The following INSL6 variants were observed in gnomAD, a reference collection of about 807,000 sequenced individuals.
INSL6 encodes insulin-like peptide INSL6.
INSL6 carries 16 observed loss-of-function variants against 9.4 expected under a neutral mutation model. That is an observed-to-expected ratio of 1.70 (90% CI 1.15 to 2.59). INSL6 has a LOEUF of 2.59. Ranked by LOEUF, INSL6 falls within the 30% of genes most tolerant of loss-of-function variation. The pLI is 0.00. For missense variants in INSL6, 391 were observed against 257.3 expected, an observed-to-expected ratio of 1.52 and a Z score of -3.56; for synonymous variants, 154 against 96.9, an observed-to-expected ratio of 1.59 and a Z score of -3.46.
the INSL6 span, among the ~76,000 whole-genome samples, chr9:4,993,328 C>T: frequency 2.1e-4 from 32 of 152,146 alleles, no homozygotes; most frequent in Non-Finnish European, 7.4e-5. Flanking sequence ...TGGATCTTTG[C>T]TCTGAGGCCC....
chr9:4,998,741 CAA>C, the INSL6 span, among the ~76,000 whole-genome samples: 6 of 143,766 alleles, frequency 4.2e-5, no homozygotes, highest in East Asian at 4.0e-4. Flanking sequence ...CCACAAAAAA[CAA>C]AAAAAAAAAC....
chr9:5,077,596 T>A, the INSL6 span: 2 of 1,444,574 alleles, frequency 1.4e-6, no homozygotes, highest in Admixed American at 2.7e-5. Context: ...TAGTACAACC[T>A]TTTTATCAAA....
chr9:5,120,493 C>G (rs970290158), downstream of INSL6, among the ~76,000 whole-genome samples: 1 of 152,108 alleles, frequency 6.6e-6, no homozygotes, highest in Non-Finnish European at 1.5e-5. Context: ...TTCGAAAAGG[C>G]TCTTTTGTTT....
chr9:5,069,391 G>A, the INSL6 span, among the ~76,000 whole-genome samples: 2 of 152,230 alleles, frequency 1.3e-5, no homozygotes, highest in East Asian at 3.9e-4. Context: ...TGGTGGTCTA[G>A]AAGTGACTTG....
chr9:5,007,984 C>T, the INSL6 span, among the ~76,000 whole-genome samples: 1 of 152,166 alleles, frequency 6.6e-6, no homozygotes, highest in Admixed American at 6.5e-5. Context: ...CCGCCTCGGC[C>T]TCCCAAAGTG....
At chr9:4,997,092 C>T in the INSL6 span, among the ~76,000 whole-genome samples, 1 of 151,732 alleles carries the variant, frequency 6.6e-6, no homozygotes, top group Non-Finnish European at 1.5e-5. Flanking sequence ...CTAGGCCTGG[C>T]TAATTTTTAT....
At chr9:5,111,414 A>G in the INSL6 span, 1 of 401,016 alleles carries the variant, frequency 2.5e-6, no homozygotes, top group Middle Eastern at 6.5e-4. Flanking sequence ...CTGGACACGC[A>G]GCCCACGAAG....
chr9:5,066,727 C>G, the INSL6 span: 2 of 1,608,426 alleles, frequency 1.2e-6, no homozygotes, highest in Non-Finnish European at 1.7e-6. Context: ...TCAGACTGGA[C>G]TGTATGTACT....
rs1440107798 is a variant in INSL6, at chr9:5,181,678, T to C, written c.289+3636A>G. Among the ~76,000 whole-genome samples, 5 of 152,192 alleles carry C rather than the reference T, an allele frequency of 3.3e-5. No homozygotes were observed. The South Asian group carries it at 8.3e-4, about 25-fold the overall frequency. On this transcript the variant is annotated intron_variant, in intron 1 of 1. Transcript: ENST00000381641. ...AGACAGATGTCAAAATGGGAGAACA[T>C]ATTTGTGACATCTAAAACCAACAAC...
chr9:5,131,568 G>C (rs1001509868), intron 3 of INSL6, among the ~76,000 whole-genome samples: 3 of 151,092 alleles, frequency 2.0e-5, no homozygotes, highest in Non-Finnish European at 4.4e-5. Flanking sequence ...CTCCCGAGTA[G>C]CTGGGATTAC....
the INSL6 span, among the ~76,000 whole-genome samples, chr9:5,025,671 T>C: frequency 6.6e-6 from 1 of 152,038 alleles, no homozygotes; most frequent in African/African-American, 2.4e-5. Flanking sequence ...CTAGCTGGAC[T>C]ACAGGCACCC....
the INSL6 span, among the ~76,000 whole-genome samples, chr9:5,013,341 C>T: frequency 6.6e-6 from 1 of 152,186 alleles, no homozygotes; most frequent in Admixed American, 6.5e-5. Context: ...AGTATATCTA[C>T]TTGGACTATA....
the INSL6 span, chr9:5,054,688 C>T: frequency 2.5e-6 from 4 of 1,613,304 alleles, no homozygotes; most frequent in South Asian, 4.4e-5. This position sits in a 1 kb window ranked among gnomAD's most constrained non-coding sequence, Gnocchi z 4.9. Flanking sequence ...AAAGCCACTG[C>T]CAGAAACTTG....
the INSL6 span, among the ~76,000 whole-genome samples, chr9:5,023,432 T>C: frequency 6.6e-6 from 1 of 152,146 alleles, no homozygotes; most frequent in African/African-American, 2.4e-5. Flanking sequence ...TGCTTAGGAC[T>C]CGGGGGGAGC....
the INSL6 span, among the ~76,000 whole-genome samples, chr9:4,996,459 T>A: frequency 6.6e-6 from 1 of 151,724 alleles, no homozygotes; most frequent in Admixed American, 6.6e-5. Context: ...AAAAAATAAA[T>A]AAATAAATAA....
intron 1 of INSL6, among the ~76,000 whole-genome samples, chr9:5,181,550 T>C (rs999632322): frequency 5.3e-5 from 8 of 150,956 alleles, no homozygotes; most frequent in African/African-American, 1.9e-4. Flanking sequence ...AAAGTAAAAC[T>C]GAAAAGTTAA....
At chr9:5,081,322 A>T in the INSL6 span, among the ~76,000 whole-genome samples, 5 of 151,818 alleles carry the variant, frequency 3.3e-5, no homozygotes, top group African/African-American at 9.7e-5. Flanking sequence ...CATATTTTAT[A>T]ATTGATTGAT....
chr9:4,998,559 A>C, the INSL6 span, among the ~76,000 whole-genome samples: 1 of 150,812 alleles, frequency 6.6e-6, no homozygotes, highest in Admixed American at 6.6e-5. Flanking sequence ...CCGGCCAAAA[A>C]CTCCAACTTT....
the INSL6 span, among the ~76,000 whole-genome samples, chr9:5,115,450 T>C: frequency 6.6e-6 from 1 of 152,216 alleles, no homozygotes; most frequent in Non-Finnish European, 1.5e-5. Context: ...GGAATGCTTT[T>C]ACATTGTTGA....
Sources: gnomAD v4.1 joint callset for allele counts (sites outside exome capture counted in the v4.1 genomes callset) on GRCh38, gnomAD v4.1.1 for gene constraint, Gnocchi (gnomAD v3.1) non-coding constraint, MANE v1.5 for transcripts, NCBI Gene and HGNC (gene_info 2026-07-23, HGNC 2026-07-21) for gene names.